Variants in FRMD4A observed in about 807,000 individuals in gnomAD.
FRMD4A encodes the protein FERM domain-containing protein 4A.
A neutral mutation model predicts 129.1 loss-of-function variants in FRMD4A; 29 were observed. The ratio of observed to expected loss-of-function variants is 0.22; its 90% confidence interval spans 0.17 to 0.31. The LOEUF (loss-of-function observed/expected upper bound fraction) is 0.31. Ranked by LOEUF, FRMD4A falls within the 10% of genes least tolerant of loss-of-function variation. FRMD4A has a pLI of 1.00. For missense variants in FRMD4A, 1,272 were observed against 1,375.8 expected, an observed-to-expected ratio of 0.92 and a Z score of 1.19; for synonymous variants, 634 against 571.6, an observed-to-expected ratio of 1.11 and a Z score of -1.56.
intron 2 of FRMD4A, among the ~76,000 whole-genome samples, chr10:13,960,110 T>A (rs1431037658): frequency 1.3e-5 from 2 of 152,160 alleles, no homozygotes; most frequent in Non-Finnish European, 2.9e-5. Flanking sequence ...AACCACTATC[T>A]CTGTGAACTT....
At chr10:14,075,604 G>A (rs1835544641) in intron 2 of FRMD4A, among the ~76,000 whole-genome samples, 1 of 152,154 alleles carries the variant, frequency 6.6e-6, no homozygotes, top group Admixed American at 6.5e-5. Context: ...AAAGCGTAAA[G>A]TTTCACTGGC....
intron 2 of FRMD4A, among the ~76,000 whole-genome samples, chr10:14,041,595 G>A (rs1402631270): frequency 1.3e-5 from 2 of 152,186 alleles, no homozygotes; most frequent in African/African-American, 2.4e-5. Context: ...CCCAAAAGGC[G>A]TGACCAGGGA....
chr10:14,256,942 C>A (rs1844634507), intron 2 of FRMD4A, among the ~76,000 whole-genome samples: 1 of 151,932 alleles, frequency 6.6e-6, no homozygotes, highest in African/African-American at 2.4e-5. Flanking sequence ...AAATACTAGG[C>A]AGTAGGAGAA....
intron 2 of FRMD4A, among the ~76,000 whole-genome samples, chr10:14,096,164 A>C (rs1028192457): frequency 1.3e-5 from 2 of 152,154 alleles, no homozygotes; most frequent in Non-Finnish European, 2.9e-5. Flanking sequence ...ATGAAAGTGG[A>C]ATCTTCACGA....
intron 2 of FRMD4A, among the ~76,000 whole-genome samples, chr10:13,954,850 C>G (rs552955885): frequency 6.6e-6 from 1 of 152,316 alleles, no homozygotes; most frequent in South Asian, 2.1e-4. Flanking sequence ...TTCTCTCAAA[C>G]CCCTCTCTCA....
In FRMD4A at chr10:13,753,699, G is replaced by C. The variant is rs539461999; in HGVS notation, c.465-5880C>G. On this transcript the variant is annotated intron_variant, in intron 8 of 24. Coordinates refer to ENST00000357447, the MANE Select transcript of FRMD4A (RefSeq NM_018027.5). Reference sequence around the variant, plus strand: ...GCTGGGACTACAGGTGCTTATCACTGCACCTGGTTAATTTTTTAAATATTT... The same window carrying C: ...GCTGGGACTACAGGTGCTTATCACTCCACCTGGTTAATTTTTTAAATATTT... Among the ~76,000 whole-genome samples the C allele has an allele frequency of 1.3e-4, 20 of 151,912 alleles. No individual in the cohort carries two copies. In the East Asian group the frequency reaches 3.9e-3, roughly 29 times the overall value.
At chr10:14,141,611 A>G (rs1589063218) in intron 2 of FRMD4A, among the ~76,000 whole-genome samples, 1 of 151,158 alleles carries the variant, frequency 6.6e-6, no homozygotes, top group Admixed American at 6.6e-5. Context: ...ACCTAGTGAG[A>G]TCCTATTTCT....
intron 8 of FRMD4A, among the ~76,000 whole-genome samples, chr10:13,755,170 T>C (rs117082936): frequency 0.017 from 2,628 of 152,326 alleles, 40 homozygotes; most frequent in Middle Eastern, 0.058. Context: ...AAAAAAGTCT[T>C]TTAGAAGAAA....
chr10:14,038,479 A>G (rs1833611981), intron 2 of FRMD4A, among the ~76,000 whole-genome samples: 2 of 152,236 alleles, frequency 1.3e-5, no homozygotes, highest in South Asian at 4.1e-4. Flanking sequence ...AGGGCAATTC[A>G]TCCAAATATT....
chr10:13,676,138 C>G (rs557635978), intron 15 of FRMD4A: 3 of 152,244 alleles, frequency 2.0e-5, no homozygotes, highest in African/African-American at 7.2e-5. Flanking sequence ...AATTTCTGGG[C>G]TGCCAGTGTT....
At chr10:13,735,101 G>A (rs879651708) in intron 12 of FRMD4A, among the ~76,000 whole-genome samples, 1 of 152,172 alleles carries the variant, frequency 6.6e-6, no homozygotes, top group Non-Finnish European at 1.5e-5. Context: ...TCGAACTCCT[G>A]AACTCAAGTG....
intron 2 of FRMD4A, among the ~76,000 whole-genome samples, chr10:14,192,236 T>C (rs1842341295): frequency 6.6e-6 from 1 of 152,248 alleles, no homozygotes; most frequent in South Asian, 2.1e-4. Flanking sequence ...TTTTTCTTTG[T>C]AAGAATTGCT....
chr10:14,162,412 T>A (rs1378608672), intron 2 of FRMD4A, among the ~76,000 whole-genome samples: 4 of 152,212 alleles, frequency 2.6e-5, no homozygotes, highest in Non-Finnish European at 5.9e-5. Context: ...CTGGTACAAG[T>A]GTATATGATG....
intron 2 of FRMD4A, among the ~76,000 whole-genome samples, chr10:14,011,578 T>C (rs1473209685): frequency 6.6e-6 from 1 of 151,930 alleles, no homozygotes; most frequent in Admixed American, 6.6e-5. Flanking sequence ...AAGGGAACTG[T>C]GGAAATAGCC....
At chr10:14,131,396 G>GCT (rs764703709) in intron 2 of FRMD4A, among the ~76,000 whole-genome samples, 1 of 148,930 alleles carries the variant, frequency 6.7e-6, no homozygotes. Flanking sequence ...AACTCACTGT[G>GCT]CCCCCCCCGG....
intron 2 of FRMD4A, among the ~76,000 whole-genome samples, chr10:14,006,261 C>T (rs188775012): frequency 6.6e-5 from 10 of 152,248 alleles, no homozygotes; most frequent in Admixed American, 5.2e-4. Flanking sequence ...GGATGTGCAG[C>T]GCGGGAGGGC....
intron 6 of FRMD4A, among the ~76,000 whole-genome samples, chr10:13,766,873 T>C (rs112676840): frequency 0.017 from 2,553 of 152,172 alleles, 68 homozygotes; most frequent in South Asian, 0.12. Context: ...AAGAGATTGA[T>C]ACCATCCTGG....
intron 2 of FRMD4A, among the ~76,000 whole-genome samples, chr10:14,094,076 A>G (rs920396448): frequency 2.0e-5 from 3 of 152,246 alleles, no homozygotes; most frequent in Middle Eastern, 3.2e-3. Context: ...AGAGCAGAAC[A>G]CATTAACAAA....
chr10:14,234,083 C>T (rs993481995), intron 2 of FRMD4A, among the ~76,000 whole-genome samples: 11 of 152,198 alleles, frequency 7.2e-5, no homozygotes, highest in Non-Finnish European at 1.3e-4. Context: ...GCACAGAACA[C>T]ACGATCTCAC....
Sources: allele counts gnomAD v4.1 joint callset (sites outside exome capture counted in the v4.1 genomes callset), GRCh38; gene constraint gnomAD v4.1.1; transcripts MANE v1.5; gene names NCBI Gene and HGNC (gene_info 2026-07-23, HGNC 2026-07-21).